Variants in FKBP6 observed in about 807,000 individuals in gnomAD.
The protein encoded by FKBP6 is inactive peptidyl-prolyl cis-trans isomerase FKBP6.
FKBP6 carries 29 observed loss-of-function variants against 41.7 expected under a neutral mutation model. That is an observed-to-expected ratio of 0.70 (90% CI 0.52 to 0.95). The LOEUF (loss-of-function observed/expected upper bound fraction) is 0.95. FKBP6 is among the 40% of genes least tolerant of loss of function. The pLI, the probability that FKBP6 is intolerant of heterozygous loss-of-function variation, is 0.00. For synonymous variants in FKBP6, 130 were observed against 165.1 expected, an observed-to-expected ratio of 0.79 and a Z score of 1.63; for missense variants, 338 against 408.7, an observed-to-expected ratio of 0.83 and a Z score of 1.49.
chr7:73,338,805 A>C (rs2115880922), intron 5 of FKBP6, among the ~76,000 whole-genome samples: 1 of 152,286 alleles, frequency 6.6e-6, no homozygotes, highest in Admixed American at 6.5e-5. Flanking sequence ...GTCTATGCAT[A>C]TCTGAAAGTT....
intron 5 of FKBP6, among the ~76,000 whole-genome samples, chr7:73,336,223 G>A (rs1470181031): frequency 2.0e-5 from 3 of 152,134 alleles, no homozygotes; most frequent in Non-Finnish European, 4.4e-5. Context: ...TGGAGTTAGT[G>A]GCCTTATAAA....
chr7:73,358,330 G>A lies in FKBP6; in HGVS notation c.*152G>A, dbSNP rs1178040116. On this transcript the variant is annotated 3_prime_UTR_variant, in exon 9 of 9. Coordinates refer to ENST00000252037, the MANE Select transcript of FKBP6 (RefSeq NM_003602.5). ...CATCTCTCATGGACGCGGCTGAAAC[G>A]TGTTTTCACAGGTGCTGTTTTCTGT... 5.3e-5 allele frequency: 8 copies of A among 152,252 alleles called. No homozygotes were observed. Among genetic ancestry groups the A allele is most frequent in the Non-Finnish European group, 7.3e-5 (5 of 68,042 alleles). 9.4% of individuals were successfully genotyped at this position (152,252 alleles called of 1,614,324 possible). A position where few individuals can be genotyped will look rare whatever the true frequency, so the allele number is the denominator to read the frequency against.
At chr7:73,345,222 GA>G (rs1156457847) in intron 8 of FKBP6, among the ~76,000 whole-genome samples, 3,582 of 66,646 alleles carry the variant, frequency 0.054, 221 homozygotes, top group East Asian at 0.36. Flanking sequence ...GCATCAGCCA[GA>G]AAAAAAAAAA....
At chr7:73,347,148 T>G (rs956070740) in intron 8 of FKBP6, among the ~76,000 whole-genome samples, 3 of 152,236 alleles carry the variant, frequency 2.0e-5, no homozygotes, top group African/African-American at 7.2e-5. Flanking sequence ...TCTTCTAGGT[T>G]GTTTTGCTAG....
chr7:73,343,488 C>A (rs1554549908), intron 8 of FKBP6, among the ~76,000 whole-genome samples: 1 of 152,126 alleles, frequency 6.6e-6, no homozygotes, highest in African/African-American at 2.4e-5. Context: ...ACTCGAAAGC[C>A]TCCAACTTGA....
chr7:73,341,321 C>T lies in FKBP6; in HGVS notation c.832C>T (p.Arg278Ter), dbSNP rs368448146. 6.2e-6 allele frequency: 10 copies of T among 1,613,678 alleles called. No homozygotes were observed. The East Asian group carries it at 1.3e-4, about 22-fold the overall frequency. Residue 278 changes from arginine (R) to a stop codon, truncating the protein, a stop_gained, in exon 7 of 9, where the codon CGA becomes TGA. Transcript: ENST00000252037. LOFTEE classifies it high-confidence loss of function. ...EYQKARDFLV[R>*]AQKEQPFNHD... ...TCAAAAGGCCCGGGATTTTCTAGTTCGAGCCCAGAAGGAGCAACCCTTCAA... is the reference window on the plus strand; with the variant it reads ...TCAAAAGGCCCGGGATTTTCTAGTTTGAGCCCAGAAGGAGCAACCCTTCAA...
chr7:73,337,575 A>G (rs2115872831), intron 5 of FKBP6, among the ~76,000 whole-genome samples: 1 of 151,958 alleles, frequency 6.6e-6, no homozygotes, highest in East Asian at 1.9e-4. Flanking sequence ...CGGTCTCCCA[A>G]AGTGCTGGGA....
At chr7:73,354,055 T>C (rs1370183862) in intron 8 of FKBP6, among the ~76,000 whole-genome samples, 1 of 152,110 alleles carries the variant, frequency 6.6e-6, no homozygotes, top group Non-Finnish European at 1.5e-5. Flanking sequence ...TCTTTGACCA[T>C]GTATCACAGC....
At chr7:73,355,644 TA>T (rs60526808) in intron 8 of FKBP6, among the ~76,000 whole-genome samples, 320 of 143,078 alleles carry the variant, frequency 2.2e-3, no homozygotes, top group Non-Finnish European at 1.9e-3. Context: ...TCTCCAAAGG[TA>T]AAAAAAAAAA....
intron 5 of FKBP6, among the ~76,000 whole-genome samples, chr7:73,332,410 G>A (rs1235882808): frequency 1.6e-4 from 24 of 151,708 alleles, no homozygotes; most frequent in Admixed American, 1.1e-3. Context: ...TTGAACCCAG[G>A]AGGTGGAGGT....
At chr7:73,355,050 C>A (rs986605600) in intron 8 of FKBP6, among the ~76,000 whole-genome samples, 1 of 152,360 alleles carries the variant, frequency 6.6e-6, no homozygotes, top group South Asian at 2.1e-4. Flanking sequence ...ACATTTCACA[C>A]CCTTCTTTGA....
At chr7:73,353,847 C>T (rs1554551473) in intron 8 of FKBP6, among the ~76,000 whole-genome samples, 1 of 151,876 alleles carries the variant, frequency 6.6e-6, no homozygotes, top group Non-Finnish European at 1.5e-5. Flanking sequence ...AATTCTTCTG[C>T]CTCAGCCTCC....
At chr7:73,329,174 C>T (rs532003597) in intron 2 of FKBP6, among the ~76,000 whole-genome samples, 186 bp from the exon 3 acceptor site, 2 of 152,254 alleles carry the variant, frequency 1.3e-5, no homozygotes, top group African/African-American at 4.8e-5. Context: ...CCGCAAAGCT[C>T]TTGAACCTCT....
At chr7:73,333,010 G>A (rs782502099) in intron 5 of FKBP6, among the ~76,000 whole-genome samples, 2 of 152,172 alleles carry the variant, frequency 1.3e-5, no homozygotes, top group Non-Finnish European at 2.9e-5. Flanking sequence ...AGTGGCTCAT[G>A]CCTGTAATCC....
chr7:73,340,685 C>T lies in FKBP6; in HGVS notation c.636C>T (p.His212=). The T allele has an allele frequency of 6.2e-7, 1 of 1,614,032 alleles. No homozygotes were observed. Residue 212 remains histidine, a synonymous_variant, in exon 6 of 9, where the codon CAC becomes CAT. Transcript: ENST00000252037. ...GATCAGCACCCCCTGAAGAGCAGCA[C>T]CTGGTGGAGGCCGCCAAGCTTCCTG... ...RRRSAPPEEQ[H]LVEAAKLPVL...
chr7:73,335,133 CAA>C (rs10651287), intron 5 of FKBP6, among the ~76,000 whole-genome samples: 16,634 of 79,120 alleles, frequency 0.21, 986 homozygotes, highest in Middle Eastern at 0.32. Flanking sequence ...TGTTCCTGGC[CAA>C]AAAAAAAAAA....
At chr7:73,339,841 G>A (rs976835701) in intron 5 of FKBP6, among the ~76,000 whole-genome samples, 1 of 152,018 alleles carries the variant, frequency 6.6e-6, no homozygotes, top group Non-Finnish European at 1.5e-5. Flanking sequence ...TCGAACTCCC[G>A]ACCTCAGGTG....
chr7:73,348,133 A>G (rs1300170240), intron 8 of FKBP6, among the ~76,000 whole-genome samples: 2 of 151,148 alleles, frequency 1.3e-5, no homozygotes, highest in African/African-American at 4.9e-5. Flanking sequence ...TGGGACACCT[A>G]TTGACTGGAA....
At chr7:73,356,850 G>A (rs1441604268) in intron 8 of FKBP6, among the ~76,000 whole-genome samples, 1 of 152,216 alleles carries the variant, frequency 6.6e-6, no homozygotes, top group Non-Finnish European at 1.5e-5. Context: ...GCGTGATCTC[G>A]GCTCACTGCA....
Sources: allele counts gnomAD v4.1 joint callset (sites outside exome capture counted in the v4.1 genomes callset), GRCh38; gene constraint gnomAD v4.1.1; transcripts MANE v1.5; gene names NCBI Gene and HGNC (gene_info 2026-07-23, HGNC 2026-07-21).